KAT2B: variants seen among roughly 807,000 people sequenced by gnomAD.
KAT2B encodes the protein histone acetyltransferase KAT2B.
In KAT2B, 36 loss-of-function variants were observed where a neutral mutation model predicts 105.9. That is an observed-to-expected ratio of 0.34 (90% CI 0.26 to 0.45). The LOEUF (loss-of-function observed/expected upper bound fraction) is 0.45. KAT2B is among the 20% of genes least tolerant of loss of function. The probability of loss-of-function intolerance (pLI) is 1.00; values close to 1 mark genes in which losing one functional copy is unlikely to be tolerated. For synonymous variants in KAT2B, 397 were observed against 377.9 expected, an observed-to-expected ratio of 1.05 and a Z score of -0.59; for missense variants, 820 against 1,021.6, an observed-to-expected ratio of 0.80 and a Z score of 2.69.
chr3:20,114,402 G>A (rs1345137063), intron 6 of KAT2B, among the ~76,000 whole-genome samples: 3 of 152,194 alleles, frequency 2.0e-5, no homozygotes, highest in African/African-American at 7.2e-5. Flanking sequence ...TGCCTATCAT[G>A]TAGTAAGAGC....
intron 2 of KAT2B, among the ~76,000 whole-genome samples, chr3:20,078,686 T>C (rs533660721): frequency 1.3e-5 from 2 of 151,918 alleles, no homozygotes; most frequent in Admixed American, 6.5e-5. Flanking sequence ...CTTTTTCTGA[T>C]ATATGTGTAT....
chr3:20,101,582 T>A (rs1575134173), intron 5 of KAT2B, 114 bp downstream of exon 5: 1 of 752,192 alleles, frequency 1.3e-6, no homozygotes, highest in East Asian at 2.5e-5. Flanking sequence ...CTCCATCAAT[T>A]CAGAGATAAT....
intron 9 of KAT2B, among the ~76,000 whole-genome samples, chr3:20,124,968 T>C (rs944610261): frequency 1.3e-5 from 2 of 152,192 alleles, no homozygotes; most frequent in African/African-American, 4.8e-5. Context: ...CAGCTATGGT[T>C]GAGTGTAGGT....
At chr3:20,109,872 A>C (rs569936536) in intron 5 of KAT2B, among the ~76,000 whole-genome samples, 22 of 152,314 alleles carry the variant, frequency 1.4e-4, no homozygotes, top group African/African-American at 5.1e-4. Context: ...TTGAGAGAAG[A>C]CATAGAAATA....
At chr3:20,059,678 C>T (rs575635992) in intron 1 of KAT2B, among the ~76,000 whole-genome samples, 3 of 152,156 alleles carry the variant, frequency 2.0e-5, no homozygotes, top group Non-Finnish European at 4.4e-5. Flanking sequence ...GCATTCCAGC[C>T]TGGGCGACTG....
At chr3:20,116,445 T>A (rs1003506288) in intron 7 of KAT2B, among the ~76,000 whole-genome samples, 1 of 152,156 alleles carries the variant, frequency 6.6e-6, no homozygotes, top group East Asian at 1.9e-4. Flanking sequence ...GAATCACCCA[T>A]GGAATTTGAA....
intron 11 of KAT2B, among the ~76,000 whole-genome samples, chr3:20,131,177 G>A (rs1575152397): frequency 6.6e-6 from 1 of 151,732 alleles, no homozygotes. Context: ...CACCATGCCC[G>A]GCTAATTTTT....
chr3:20,139,389 C>G (rs1219520863), intron 12 of KAT2B, among the ~76,000 whole-genome samples: 1 of 152,136 alleles, frequency 6.6e-6, no homozygotes, highest in Non-Finnish European at 1.5e-5. Flanking sequence ...TCTTGAGCAT[C>G]AGCTTTCCTC....
At chr3:20,084,565 A>G (rs549976590) in intron 2 of KAT2B, among the ~76,000 whole-genome samples, 1 of 152,250 alleles carries the variant, frequency 6.6e-6, no homozygotes, top group African/African-American at 2.4e-5. Context: ...CACATATTGC[A>G]TTATGGTAAT....
intron 11 of KAT2B, among the ~76,000 whole-genome samples, chr3:20,132,951 A>G (rs1699536787): frequency 2.6e-5 from 4 of 152,246 alleles, no homozygotes; most frequent in Admixed American, 2.6e-4. Flanking sequence ...CACATTTCTT[A>G]CTAATTTTTA....
chr3:20,051,419 T>C (rs183478909), intron 1 of KAT2B, among the ~76,000 whole-genome samples: 40 of 152,248 alleles, frequency 2.6e-4, no homozygotes, highest in Non-Finnish European at 5.4e-4. Flanking sequence ...TCATGTGAAA[T>C]CCTGTTGCCA....
intron 3 of KAT2B, among the ~76,000 whole-genome samples, chr3:20,097,861 A>G (rs2125196606): frequency 6.6e-6 from 1 of 151,798 alleles, no homozygotes; most frequent in East Asian, 1.9e-4. Flanking sequence ...AGAAAAAAAG[A>G]GAAAGGCAGT....
At chr3:20,115,436 A>T (rs949200738) in intron 7 of KAT2B, among the ~76,000 whole-genome samples, 31 of 152,204 alleles carry the variant, frequency 2.0e-4, no homozygotes, top group African/African-American at 7.5e-4. Flanking sequence ...GGAAGACTCC[A>T]TGGAGAGGTT....
At position 20,137,097 on chromosome 3, in the gene KAT2B, A is replaced by AAG. The variant is rs753248026; in HGVS notation, c.1860+46_1860+47insGA. 9.4e-6 allele frequency: 9 copies of AAG among 954,554 alleles called. No homozygotes were observed. The South Asian group carries it at 1.0e-4, about 11-fold the overall frequency. 59.1% of individuals were successfully genotyped at this position (954,554 alleles called of 1,614,324 possible). A position where few individuals can be genotyped will look rare whatever the true frequency, so the allele number is the denominator to read the frequency against. On this transcript the variant is annotated intron_variant, in intron 12 of 17. Coordinates refer to ENST00000263754, the MANE Select transcript of KAT2B (RefSeq NM_003884.5). ...ACACTGTTTTGTCACTCCTTTTCTTAATATGTTCTCAGGTAGCGTTCTTCC... is the reference window on the plus strand; with the variant it reads ...ACACTGTTTTGTCACTCCTTTTCTTAAGATATGTTCTCAGGTAGCGTTCTTCC...
At chr3:20,106,979 GTATATATATATATATATATATATATA>G (rs869172127) in intron 5 of KAT2B, among the ~76,000 whole-genome samples, 2 of 33,498 alleles carry the variant, frequency 6.0e-5, no homozygotes, top group Non-Finnish European at 1.1e-4. Flanking sequence ...ATATATATAT[GTATATATATATATATATATATATATA>G]TATATATATA....
At chr3:20,104,876 T>C (rs1698971131) in intron 5 of KAT2B, among the ~76,000 whole-genome samples, 1 of 90,868 alleles carries the variant, frequency 1.1e-5, no homozygotes, top group African/African-American at 5.7e-5. Flanking sequence ...GTATTCTTTT[T>C]TTGTTGTTTT....
intron 4 of KAT2B, 123 bp from the exon 5 acceptor site, chr3:20,101,164 T>C: frequency 1.4e-6 from 1 of 740,116 alleles, no homozygotes; most frequent in Non-Finnish European, 2.2e-6. Flanking sequence ...AAGGAAGAGA[T>C]TTTTGTGAAT....
chr3:20,127,180 G>A (rs577778916), intron 10 of KAT2B, among the ~76,000 whole-genome samples: 128 of 152,202 alleles, frequency 8.4e-4, no homozygotes, highest in African/African-American at 3.0e-3. Context: ...GTAAACCTCA[G>A]GCACTTCTTA....
At chr3:20,146,691 A>C (rs1699789006) in intron 14 of KAT2B, 1 of 283,496 alleles carries the variant, frequency 3.5e-6, no homozygotes, top group Non-Finnish European at 6.8e-6. Flanking sequence ...CATTTGTAGC[A>C]CAGTGCGAAT....
Sources: gnomAD v4.1 joint callset for allele counts (sites outside exome capture counted in the v4.1 genomes callset) on GRCh38, gnomAD v4.1.1 for gene constraint, MANE v1.5 for transcripts, NCBI Gene and HGNC (gene_info 2026-07-23, HGNC 2026-07-21) for gene names.